Variants in SUPT3H observed in about 807,000 individuals in gnomAD.
SUPT3H encodes transcription initiation protein SPT3 homolog.
SUPT3H carries 44 observed loss-of-function variants against 44.3 expected under a neutral mutation model. The ratio of observed to expected loss-of-function variants is 0.99; its 90% CI spans 0.78 to 1.28. SUPT3H has a LOEUF of 1.28. Among genes scored for constraint, SUPT3H ranks in the 50% most tolerant of loss-of-function variants. The pLI, the probability that SUPT3H is intolerant of heterozygous loss-of-function variation, is 0.00. For missense variants in SUPT3H, 380 were observed against 387.1 expected, an observed-to-expected ratio of 0.98 and a Z score of 0.15; for synonymous variants, 124 against 125.6, an observed-to-expected ratio of 0.99 and a Z score of 0.09.
intron 2 of SUPT3H, among the ~76,000 whole-genome samples, chr6:45,364,341 A>C (rs754379609): frequency 5.9e-5 from 9 of 152,206 alleles, no homozygotes; most frequent in Non-Finnish European, 1.2e-4. Context: ...AACAGTAATC[A>C]TCACATAGTG....
In SUPT3H at chr6:44,907,217, T is replaced by C. The variant is rs551528474; in HGVS notation, c.912+25436A>G. ...ATTAATGATGTTTATTTTCACTATA[T>C]TTAATCTGAGTAATTTTTCACCTCC... On this transcript the variant is annotated intron_variant, in intron 10 of 10. Transcript: ENST00000371459. Among the ~76,000 whole-genome samples the C allele has an allele frequency of 2.0e-5, 3 of 152,368 alleles. No individual in the cohort carries two copies. In the East Asian group the frequency reaches 5.8e-4, roughly 29 times the overall value.
chr6:45,218,925 T>C (rs1373034634), intron 2 of SUPT3H, among the ~76,000 whole-genome samples: 2 of 152,140 alleles, frequency 1.3e-5, no homozygotes, highest in Non-Finnish European at 2.9e-5. Context: ...ATATAGAACA[T>C]GTTATCTAAC....
At chr6:44,937,139 G>C (rs1194993682) in intron 9 of SUPT3H, among the ~76,000 whole-genome samples, 1 of 152,148 alleles carries the variant, frequency 6.6e-6, no homozygotes, top group Non-Finnish European at 1.5e-5. Context: ...CTTTTCCTTT[G>C]ACTAGATACC....
At chr6:44,978,378 G>A (rs942834908) in intron 6 of SUPT3H, among the ~76,000 whole-genome samples, 3 of 152,048 alleles carry the variant, frequency 2.0e-5, no homozygotes, top group Non-Finnish European at 2.9e-5. Flanking sequence ...ACATACCTTG[G>A]ATAAAGAATG....
chr6:45,223,183 AAAC>A (rs1766355447), intron 2 of SUPT3H, among the ~76,000 whole-genome samples: 1 of 152,078 alleles, frequency 6.6e-6, no homozygotes, highest in Admixed American at 6.6e-5. Context: ...ACTAAACACT[AAAC>A]AAACACACAA....
At chr6:44,915,900 G>C (rs1275496769) in intron 10 of SUPT3H, among the ~76,000 whole-genome samples, 1 of 152,086 alleles carries the variant, frequency 6.6e-6, no homozygotes, top group Non-Finnish European at 1.5e-5. Flanking sequence ...AACCACCTTG[G>C]ACATATGTTC....
intron 10 of SUPT3H, among the ~76,000 whole-genome samples, chr6:44,895,979 C>T (rs1315311466): frequency 2.0e-5 from 3 of 151,886 alleles, no homozygotes; most frequent in Admixed American, 1.3e-4. Flanking sequence ...AGACTTCTTA[C>T]TTTTGAAGGA....
At chr6:44,834,220 C>CAATA (rs1769393832) in intron 10 of SUPT3H, among the ~76,000 whole-genome samples, 1 of 152,024 alleles carries the variant, frequency 6.6e-6, no homozygotes, top group Non-Finnish European at 1.5e-5. Flanking sequence ...ATGGTTTCGT[C>CAATA]AATAAATGGA....
At chr6:45,271,124 A>G (rs1382928415) in intron 2 of SUPT3H, among the ~76,000 whole-genome samples, 1 of 152,202 alleles carries the variant, frequency 6.6e-6, no homozygotes, top group East Asian at 1.9e-4. Flanking sequence ...AGAGCATAAA[A>G]GTTTGGAAAA....
intron 3 of SUPT3H, among the ~76,000 whole-genome samples, chr6:45,040,234 T>A (rs990300418): frequency 6.6e-5 from 10 of 152,202 alleles, no homozygotes; most frequent in African/African-American, 2.4e-4. Context: ...TTTACGAAAA[T>A]AAGCAAAGGA....
rs558906470 is a variant in SUPT3H, at chr6:45,048,378, A to G, written c.187-27746T>C. Among the ~76,000 whole-genome samples, 12 of 152,094 alleles carry G rather than the reference A, an allele frequency of 7.9e-5. 1 individual carries two copies. The South Asian group carries it at 2.5e-3, about 32-fold the overall frequency. Reference sequence around the variant, plus strand: ...GAGCTTTCCTCCTGTGTTTTCTTCTAGTAGTTTTACAGTTTCAGATCTCAC... The same window carrying G: ...GAGCTTTCCTCCTGTGTTTTCTTCTGGTAGTTTTACAGTTTCAGATCTCAC... On this transcript the variant is annotated intron_variant, in intron 3 of 10. Transcript: ENST00000371459.
At chr6:44,845,977 G>A (rs1341794767) in intron 10 of SUPT3H, among the ~76,000 whole-genome samples, 2 of 152,194 alleles carry the variant, frequency 1.3e-5, no homozygotes, top group Non-Finnish European at 2.9e-5. Flanking sequence ...CCTATGGACG[G>A]CTAAACTAAA....
At chr6:45,020,421 TA>T in intron 4 of SUPT3H, 124 bp downstream of exon 4, 2 of 663,734 alleles carry the variant, frequency 3.0e-6, no homozygotes, top group Middle Eastern at 4.3e-4. Flanking sequence ...CCATGAAGAC[TA>T]AAACATCAGT....
intron 10 of SUPT3H, among the ~76,000 whole-genome samples, chr6:44,904,959 C>A (rs1165385321): frequency 6.6e-6 from 1 of 152,170 alleles, no homozygotes; most frequent in East Asian, 1.9e-4. Flanking sequence ...GGAACACTGG[C>A]TGGCCATATG....
intron 2 of SUPT3H, among the ~76,000 whole-genome samples, chr6:45,148,130 T>TA (rs200522027): frequency 0.018 from 2,668 of 152,212 alleles, 50 homozygotes; most frequent in South Asian, 0.084. Flanking sequence ...ACTGAAGAAA[T>TA]AAAAATCACA....
At chr6:44,846,038 C>A (rs1771819337) in intron 10 of SUPT3H, among the ~76,000 whole-genome samples, 1 of 152,166 alleles carries the variant, frequency 6.6e-6, no homozygotes, top group South Asian at 2.1e-4. Flanking sequence ...AAACGTTCAC[C>A]CCTAGACACT....
intron 2 of SUPT3H, chr6:45,251,053 T>G (rs1215266273): frequency 6.6e-6 from 1 of 152,094 alleles, no homozygotes; most frequent in African/African-American, 2.4e-5. Context: ...CAAGCAATCC[T>G]CCTTCCTCAG....
chr6:45,353,739 A>G (rs1792552012), intron 2 of SUPT3H, among the ~76,000 whole-genome samples: 2 of 152,218 alleles, frequency 1.3e-5, no homozygotes, highest in South Asian at 4.1e-4. Context: ...AAGCAATAAG[A>G]TATATAAGAC....
At chr6:45,373,212 G>A (rs1796331082) in intron 1 of SUPT3H, among the ~76,000 whole-genome samples, 2 of 152,082 alleles carry the variant, frequency 1.3e-5, no homozygotes, top group Admixed American at 6.6e-5. Flanking sequence ...CCAAAGTGCT[G>A]GTATTACAGG....
Sources: allele counts gnomAD v4.1 joint callset (sites outside exome capture counted in the v4.1 genomes callset), GRCh38; gene constraint gnomAD v4.1.1; transcripts MANE v1.5; gene names NCBI Gene and HGNC (gene_info 2026-07-23, HGNC 2026-07-21).